Variants in CPNE4 observed in about 807,000 individuals in gnomAD.
The protein encoded by CPNE4 is copine-4.
A neutral mutation model predicts 67.9 loss-of-function variants in CPNE4; 25 were observed. That is an observed-to-expected ratio of 0.37 (90% CI 0.27 to 0.51). The LOEUF (loss-of-function observed/expected upper bound fraction) is 0.51, where lower values mean the gene tolerates loss of function less well. Among genes scored for constraint, CPNE4 ranks in the 20% least tolerant of loss-of-function variants. The pLI is 0.93. For missense variants in CPNE4, 464 were observed against 690.8 expected (o/e 0.67, Z 3.68); for synonymous variants, 242 against 244.9 (o/e 0.99, Z 0.11).
chr3:131,960,777 C>A (rs796954655), intron 1 of CPNE4, among the ~76,000 whole-genome samples: 12 of 152,204 alleles, frequency 7.9e-5, no homozygotes, highest in African/African-American at 2.6e-4. Context: ...TCCCACTTAC[C>A]CTGACCAATG....
chr3:131,767,179 AT>A (rs2083041176), intron 2 of CPNE4, among the ~76,000 whole-genome samples: 2 of 151,828 alleles, frequency 1.3e-5, no homozygotes, highest in Admixed American at 1.3e-4. Flanking sequence ...TTTGACTTTG[AT>A]TTTTTTGCCT....
intron 2 of CPNE4, among the ~76,000 whole-genome samples, chr3:131,799,555 T>A (rs899143008): frequency 6.6e-6 from 1 of 152,308 alleles, no homozygotes; most frequent in Non-Finnish European, 1.5e-5. Flanking sequence ...AGTCTCTGAA[T>A]TTAACTATTA....
At chr3:131,667,213 A>G (rs987090333) in intron 7 of CPNE4, among the ~76,000 whole-genome samples, 4 of 152,106 alleles carry the variant, frequency 2.6e-5, no homozygotes, top group African/African-American at 9.7e-5. Flanking sequence ...AGAAAAAAAA[A>G]TTAGAATATT....
At chr3:131,986,575 G>A (rs911209125) in intron 1 of CPNE4, among the ~76,000 whole-genome samples, 1 of 152,130 alleles carries the variant, frequency 6.6e-6, no homozygotes, top group Admixed American at 6.5e-5. Flanking sequence ...TCCTAGCATG[G>A]ATCAGAGACA....
intron 7 of CPNE4, among the ~76,000 whole-genome samples, chr3:131,616,957 G>C (rs1345603963): frequency 2.6e-5 from 4 of 152,258 alleles, no homozygotes; most frequent in Non-Finnish European, 5.9e-5. Flanking sequence ...TGAGGGCTAG[G>C]GACATGCTGC....
chr3:131,823,150 C>T (rs1228889112), intron 2 of CPNE4, among the ~76,000 whole-genome samples: 1 of 152,140 alleles, frequency 6.6e-6, no homozygotes, highest in Non-Finnish European at 1.5e-5. Context: ...GTACACTTAA[C>T]TTCTTATCAC....
chr3:131,975,744 C>G (rs1458949582), intron 1 of CPNE4, among the ~76,000 whole-genome samples: 1 of 152,120 alleles, frequency 6.6e-6, no homozygotes, highest in Non-Finnish European at 1.5e-5. Context: ...AAGTTCTTAG[C>G]ACTTCTGTTT....
At chr3:131,813,944 A>G (rs141391313) in intron 2 of CPNE4, among the ~76,000 whole-genome samples, 4 of 152,320 alleles carry the variant, frequency 2.6e-5, no homozygotes, top group South Asian at 4.1e-4. Flanking sequence ...GAGGTTCAGA[A>G]TGTGTTACCT....
At chr3:131,846,931 T>A (rs983736548) in intron 2 of CPNE4, among the ~76,000 whole-genome samples, 13 of 152,170 alleles carry the variant, frequency 8.5e-5, no homozygotes, top group African/African-American at 2.7e-4. Flanking sequence ...TTTCCTTCCA[T>A]GATCTTTGCT....
chr3:131,744,383 AT>A (rs1160279593), intron 2 of CPNE4, among the ~76,000 whole-genome samples: 1 of 78,252 alleles, frequency 1.3e-5, no homozygotes, highest in Non-Finnish European at 3.0e-5. Flanking sequence ...GAAACTTTTT[AT>A]TTTGTGTCAG....
intron 2 of CPNE4, among the ~76,000 whole-genome samples, chr3:131,782,886 G>A (rs1020119108): frequency 1.3e-5 from 2 of 152,052 alleles, no homozygotes; most frequent in Non-Finnish European, 2.9e-5. Context: ...TTGGCCCCAT[G>A]CTGCTGACCT....
intron 1 of CPNE4, among the ~76,000 whole-genome samples, chr3:132,026,227 G>A (rs2074113409): frequency 6.6e-6 from 1 of 152,176 alleles, no homozygotes; most frequent in African/African-American, 2.4e-5. Flanking sequence ...GACAGAGGGA[G>A]TATCCTATGT....
intron 7 of CPNE4, among the ~76,000 whole-genome samples, chr3:131,644,294 C>G (rs1450836963): frequency 1.3e-5 from 2 of 151,998 alleles, no homozygotes; most frequent in Non-Finnish European, 2.9e-5. Flanking sequence ...ACTACAGGTG[C>G]CCGCCACCAT....
chr3:131,784,670 T>G (rs143357666), intron 2 of CPNE4, among the ~76,000 whole-genome samples: 3 of 152,234 alleles, frequency 2.0e-5, no homozygotes, highest in Non-Finnish European at 4.4e-5. Context: ...CAGATGCCCA[T>G]AGTAGTAACA....
At chr3:131,961,140 C>G (rs374970558) in intron 1 of CPNE4, among the ~76,000 whole-genome samples, 4 of 152,288 alleles carry the variant, frequency 2.6e-5, no homozygotes, top group Admixed American at 2.0e-4. Flanking sequence ...TTTTTCTCCA[C>G]GTGAACATAC....
intron 1 of CPNE4, among the ~76,000 whole-genome samples, chr3:132,009,201 G>A (rs541891178): frequency 1.3e-4 from 20 of 151,664 alleles, no homozygotes; most frequent in African/African-American, 4.6e-4. Context: ...GGGTCTGCAG[G>A]GTGTTTTATT....
intron 2 of CPNE4, among the ~76,000 whole-genome samples, chr3:131,741,186 C>T (rs144765795): frequency 1.8e-4 from 27 of 152,024 alleles, no homozygotes; most frequent in African/African-American, 5.1e-4. Context: ...TTGTTTATCC[C>T]GGCATAATGT....
At chr3:131,926,074 T>C (rs1264070774) in intron 1 of CPNE4, among the ~76,000 whole-genome samples, 1 of 152,164 alleles carries the variant, frequency 6.6e-6, no homozygotes, top group African/African-American at 2.4e-5. Flanking sequence ...CAAAGTGTAA[T>C]TTTTAAAGGT....
chr3:131,871,094 A>C (rs2087180927), intron 2 of CPNE4, among the ~76,000 whole-genome samples: 1 of 152,190 alleles, frequency 6.6e-6, no homozygotes, highest in African/African-American at 2.4e-5. Context: ...TGAAGGAATG[A>C]ATGAAGAAAA....
Sources: gnomAD v4.1 joint callset for allele counts (sites outside exome capture counted in the v4.1 genomes callset) on GRCh38, gnomAD v4.1.1 for gene constraint, MANE v1.5 for transcripts, NCBI Gene and HGNC (gene_info 2026-07-23, HGNC 2026-07-21) for gene names.